Variants in USP43 observed in about 807,000 individuals in gnomAD.
The protein encoded by USP43 is ubiquitin carboxyl-terminal hydrolase 43.
A neutral mutation model predicts 90.7 loss-of-function variants in USP43; 33 were observed. The ratio of observed to expected loss-of-function variants is 0.36; its 90% CI spans 0.28 to 0.49. USP43 has a LOEUF of 0.49. USP43 is among the 20% of genes least tolerant of loss of function. The pLI is 0.98. For missense variants in USP43, 1,274 were observed against 1,476.4 expected (o/e 0.86, Z 2.25); for synonymous variants, 598 against 615.8 (o/e 0.97, Z 0.43).
At chr17:9,689,502 C>A (rs1238187716) in intron 8 of USP43, among the ~76,000 whole-genome samples, 1 of 151,856 alleles carries the variant, frequency 6.6e-6, no homozygotes, top group African/African-American at 2.4e-5. Context: ...GCCTTGAACT[C>A]CTGGGCTCAA....
At position 9,686,975 on chromosome 17, in the gene USP43, G is replaced by GC; in HGVS notation, c.1353+66_1353+67insC. Reference sequence around the variant, plus strand: ...CGCATGTGCATGCGTGTGTGTGGGTGTGTGTATTGGGAGGGGTGGAATTTA... The same window carrying GC: ...CGCATGTGCATGCGTGTGTGTGGGTGCTGTGTATTGGGAGGGGTGGAATTTA... On this transcript the variant is annotated intron_variant, in intron 8 of 14. Coordinates refer to ENST00000285199, the MANE Select transcript of USP43 (RefSeq NM_153210.5). This position sits in a 1 kb window ranked among gnomAD's most constrained non-coding sequence, Gnocchi z 5.5. 1 of 1,448,944 alleles carries GC rather than the reference G, an allele frequency of 6.9e-7. No homozygotes were observed. The highest frequency in any genetic ancestry group is 1.4e-5 in the African/African-American group (1 of 71,966). 89.8% of individuals were successfully genotyped at this position (1,448,944 alleles called of 1,614,324 possible). A position where few individuals can be genotyped will look rare whatever the true frequency, so the allele number is the denominator to read the frequency against.
rs550860250 is a variant in USP43 at position 9,692,402 on chromosome 17, T to C, written c.1354-725T>C. ...TATAGCCATCCCAGTGGGTGTGAAG[T>C]GGTACCTCAGCGTTGTCTTGATTTG... On this transcript the variant is annotated intron_variant, in intron 8 of 14. Coordinates refer to ENST00000285199, the MANE Select transcript of USP43 (RefSeq NM_153210.5). Among the ~76,000 whole-genome samples the C allele has an allele frequency of 3.0e-3, 457 of 152,254 alleles. 1 individual carries two copies. Among genetic ancestry groups the C allele is most frequent in the South Asian group, 6.2e-3 (30 of 4,824 alleles).
At chr17:9,708,029 T>C (rs144963013) in intron 12 of USP43, among the ~76,000 whole-genome samples, 174 of 152,342 alleles carry the variant, frequency 1.1e-3, no homozygotes, top group African/African-American at 3.9e-3. Flanking sequence ...ACATGTAGGC[T>C]CAGAGCTGAG....
At chr17:9,710,299 A>T (rs1323162924) in intron 13 of USP43, among the ~76,000 whole-genome samples, 185 bp downstream of exon 13, 1 of 152,102 alleles carries the variant, frequency 6.6e-6, no homozygotes, top group Non-Finnish European at 1.5e-5. Context: ...TGTGGGATGG[A>T]TGGATTATAA....
intron 9 of USP43, among the ~76,000 whole-genome samples, chr17:9,699,158 G>A (rs941520214): frequency 2.0e-5 from 3 of 152,238 alleles, no homozygotes; most frequent in South Asian, 2.1e-4. Context: ...CTAATGACAG[G>A]ACGTAGAGCC....
Position 9,728,253 on chromosome 17 carries a change from G to T in USP43, c.2635G>T (p.Gly879Cys). 1.2e-6 allele frequency: 2 copies of T among 1,613,746 alleles called. No homozygotes were observed. Among genetic ancestry groups the T allele is most frequent in the South Asian group, 2.2e-5 (2 of 91,044 alleles). Residue 879 changes from glycine (G) to cysteine (C), a missense_variant, in exon 15 of 15, where the codon GGT (glycine) becomes TGT (cysteine). By Grantham distance (159) the Gly-to-Cys change is radical. Around this residue, in one of 6 missense-constraint regions of USP43, gnomAD observed 353 missense variants for 329.7 expected, o/e 1.07. Transcript: ENST00000285199. The surrounding 1 kb of genome is among the most constrained non-coding windows in gnomAD (Gnocchi z 6.2). ...CGCCCTTCCTGCTAACAGCGAAGATGGTGGGCGGGCCATTGAAAGAGGTCC... is the reference window on the plus strand; with the variant it reads ...CGCCCTTCCTGCTAACAGCGAAGATTGTGGGCGGGCCATTGAAAGAGGTCC... ...NVALPANSEDGGRAIERGPAG... is the reference protein window; with the variant it reads ...NVALPANSEDCGRAIERGPAG...
rs1193632724 is a variant in USP43 at position 9,728,204 on chromosome 17, G to T, written c.2586G>T (p.Lys862Asn). 8 of 1,613,868 alleles carry T rather than the reference G, an allele frequency of 5.0e-6. No homozygotes were observed. The Admixed American group carries it at 1.3e-4, about 27-fold the overall frequency. ...LLTGTAGEDE[K>N]SASPRSNVAL... ...CGGGCACTGCGGGTGAGGATGAGAAGTCAGCATCGCCGAGGTCCAACGTCG... is the reference window on the plus strand; with the variant it reads ...CGGGCACTGCGGGTGAGGATGAGAATTCAGCATCGCCGAGGTCCAACGTCG... Residue 862 changes from lysine to asparagine, a missense_variant, in exon 15 of 15, where the codon AAG becomes AAT. By Grantham distance (94) the Lys-to-Asn change is moderately conservative (BLOSUM62 0). Around this residue, in one of 6 missense-constraint regions of USP43, gnomAD observed 285 missense variants for 349.6 expected, o/e 0.82. Transcript: ENST00000285199. The surrounding 1 kb of genome is among the most constrained non-coding windows in gnomAD (Gnocchi z 6.2).
intron 5 of USP43, among the ~76,000 whole-genome samples, chr17:9,677,536 T>C (rs971072951): frequency 1.1e-4 from 17 of 152,162 alleles, no homozygotes; most frequent in African/African-American, 4.1e-4. Flanking sequence ...CGAGTCTTAG[T>C]AAAGCGATTG....
chr17:9,718,156 G>T (rs1159035636), intron 14 of USP43, among the ~76,000 whole-genome samples: 1 of 152,014 alleles, frequency 6.6e-6, no homozygotes, highest in Non-Finnish European at 1.5e-5. Flanking sequence ...TAGAAGTTTG[G>T]CGATGCTTTT....
intron 3 of USP43, among the ~76,000 whole-genome samples, chr17:9,668,459 C>G (rs1194757038): frequency 6.6e-6 from 1 of 152,226 alleles, no homozygotes; most frequent in African/African-American, 2.4e-5. Flanking sequence ...GATATAATTA[C>G]TGTCTTTAGA....
chr17:9,715,288 C>T (rs1041272815), intron 14 of USP43, among the ~76,000 whole-genome samples: 1 of 151,918 alleles, frequency 6.6e-6, no homozygotes, highest in African/African-American at 2.4e-5. Flanking sequence ...TAGTGAGACC[C>T]CATCTCTATA....
chr17:9,648,408 G>A (rs1567643104), intron 1 of USP43, among the ~76,000 whole-genome samples: 1 of 152,268 alleles, frequency 6.6e-6, no homozygotes, highest in Non-Finnish European at 1.5e-5. Context: ...TACAAACCCA[G>A]ATTCTGGGGC....
intron 1 of USP43, among the ~76,000 whole-genome samples, chr17:9,651,708 A>G (rs886906480): frequency 3.9e-5 from 6 of 152,204 alleles, no homozygotes; most frequent in African/African-American, 1.4e-4. Flanking sequence ...TTAAGCATCA[A>G]TTTTAGATCT....
intron 1 of USP43, among the ~76,000 whole-genome samples, chr17:9,654,743 G>C (rs1912115603): frequency 1.3e-5 from 2 of 151,182 alleles, no homozygotes; most frequent in South Asian, 4.2e-4. Context: ...TTTATTTTTA[G>C]TTTTATTTTT....
intron 13 of USP43, among the ~76,000 whole-genome samples, chr17:9,711,041 T>C (rs757303827): frequency 2.6e-5 from 4 of 152,134 alleles, no homozygotes; most frequent in Non-Finnish European, 5.9e-5. Context: ...CTTCCATTTA[T>C]AGAAGAAGAT....
At chr17:9,652,142 T>C (rs1314119228) in intron 1 of USP43, among the ~76,000 whole-genome samples, 2 of 148,858 alleles carry the variant, frequency 1.3e-5, no homozygotes, top group Non-Finnish European at 3.0e-5. Flanking sequence ...CCTAGCACTT[T>C]GAGAGGCCGA....
Position 9,709,957 on chromosome 17 carries a change from C to T in USP43, c.2013C>T (p.Ala671=). ...HGNLQGGHYT[A]YCRNSLDGQW... is the part of the protein sequence containing the mutation. ...GACTTGGGGATGGGACCTTTGCAGC[C>T]TACTGCCGGAACTCTCTGGATGGCC... Residue 671 remains alanine (A), a splice_region_variant and synonymous_variant, in exon 13 of 15, where the codon GCC becomes GCT. Transcript: ENST00000285199. This position sits in a 1 kb window ranked among gnomAD's most constrained non-coding sequence, Gnocchi z 5.0. 6.9e-7 allele frequency: 1 copy of T among 1,450,454 alleles called. No individual in the cohort carries two copies. Among genetic ancestry groups the T allele is most frequent in the African/African-American group, 1.4e-5 (1 of 69,148 alleles). The allele number at this position is 1,450,454 out of a possible 1,614,324, so 89.8% of individuals were successfully genotyped here. A position where few individuals can be genotyped will look rare whatever the true frequency, so the allele number is the denominator to read the frequency against.
At chr17:9,662,747 T>C (rs553553377) in intron 2 of USP43, among the ~76,000 whole-genome samples, 1 of 152,194 alleles carries the variant, frequency 6.6e-6, no homozygotes, top group Admixed American at 6.5e-5. Flanking sequence ...TACTCCTCCT[T>C]GTGTAATAAC....
chr17:9,695,649 C>T (rs1376988692), intron 9 of USP43, among the ~76,000 whole-genome samples: 1 of 152,100 alleles, frequency 6.6e-6, no homozygotes, highest in Non-Finnish European at 1.5e-5. Flanking sequence ...ACATTTTAAC[C>T]ACTTGAAAGT....
Sources: allele counts gnomAD v4.1 joint callset (sites outside exome capture counted in the v4.1 genomes callset), GRCh38; gene constraint gnomAD v4.1.1; regional missense constraint gnomAD v4.1.1; non-coding constraint Gnocchi (gnomAD v3.1); transcripts MANE v1.5; gene names NCBI Gene and HGNC (gene_info 2026-07-23, HGNC 2026-07-21).